THNSL1: variants seen among roughly 807,000 people sequenced by gnomAD.
THNSL1 encodes threonine synthase like 1.
A neutral mutation model predicts 50.4 loss-of-function variants in THNSL1; 48 were observed. The ratio of observed to expected loss-of-function variants is 0.95; its 90% CI spans 0.76 to 1.21. The LOEUF is 1.21. THNSL1 is among the 50% of genes most tolerant of loss of function. The pLI, the probability that THNSL1 is intolerant of heterozygous loss-of-function variation, is 0.00. For missense variants in THNSL1, 896 were observed against 871.7 expected (o/e 1.03, Z -0.35); for synonymous variants, 309 against 306.1 (o/e 1.01, Z -0.10).
the THNSL1 span, among the ~76,000 whole-genome samples, chr10:24,960,371 T>C: frequency 6.6e-6 from 1 of 152,140 alleles, no homozygotes; most frequent in African/African-American, 2.4e-5. Context: ...TCCTATGGGT[T>C]GCACTTGAAG....
the THNSL1 span, chr10:24,995,694 CT>C: frequency 6.2e-7 from 1 of 1,613,990 alleles, no homozygotes; most frequent in Non-Finnish European, 8.5e-7. Context: ...CAAGATCATG[CT>C]TGTCTCCAGT....
At chr10:24,991,444 C>T in the THNSL1 span, among the ~76,000 whole-genome samples, 13 of 151,358 alleles carry the variant, frequency 8.6e-5, no homozygotes, top group Admixed American at 3.9e-4. Context: ...AATGGCTGGA[C>T]GTCGAGAGGA....
chr10:24,984,669 T>A, the THNSL1 span: 2 of 1,444,058 alleles, frequency 1.4e-6, no homozygotes, highest in African/African-American at 1.4e-5. Context: ...AAACTTGGAG[T>A]TTTTTATATT....
the THNSL1 span, chr10:24,999,372 T>C: frequency 1.3e-6 from 2 of 1,571,140 alleles, no homozygotes; most frequent in Non-Finnish European, 8.6e-7. Flanking sequence ...ATGCTTTTAA[T>C]ATTAAAAATA....
chr10:24,959,525 G>A, the THNSL1 span, among the ~76,000 whole-genome samples: 4 of 152,176 alleles, frequency 2.6e-5, no homozygotes, highest in African/African-American at 7.2e-5. Context: ...AGAAAATGGC[G>A]TTTTGATTCA....
rs962716665 is a variant in THNSL1, at chr10:25,026,579, C to T, written c.*1124C>T. On this transcript the variant is annotated 3_prime_UTR_variant, in exon 3 of 3. Coordinates refer to ENST00000376356, the MANE Select transcript of THNSL1 (RefSeq NM_024838.5). ...CTGATACACATATTTAATTTGTATT[C>T]CTTTGTAGTAATACATTTTAACCAT... 1 of 165,874 alleles carries T rather than the reference C, an allele frequency of 6.0e-6. No individual in the cohort carries two copies. The highest frequency in any genetic ancestry group is 6.5e-5 in the Admixed American group (1 of 15,274). 10.3% of individuals were successfully genotyped at this position (165,874 alleles called of 1,614,324 possible).
At chr10:24,988,708 A>ATG in the THNSL1 span, among the ~76,000 whole-genome samples, 29 of 23,270 alleles carry the variant, frequency 1.2e-3, 3 homozygotes, top group African/African-American at 5.4e-3. Context: ...ATATATATAT[A>ATG]TATATATATA....
At chr10:24,985,770 A>G in the THNSL1 span, among the ~76,000 whole-genome samples, 14 of 152,374 alleles carry the variant, frequency 9.2e-5, 1 homozygote, top group Admixed American at 7.2e-4. Context: ...ATTATTCATT[A>G]TGGGCACATA....
chr10:24,980,578 C>T, the THNSL1 span, among the ~76,000 whole-genome samples: 1 of 152,158 alleles, frequency 6.6e-6, no homozygotes, highest in Non-Finnish European at 1.5e-5. Context: ...GCAACTAGAA[C>T]AGTTCTTGGC....
the THNSL1 span, among the ~76,000 whole-genome samples, chr10:24,967,988 GTGT>G: frequency 2.2e-5 from 3 of 137,876 alleles, no homozygotes; most frequent in African/African-American, 9.0e-5. Context: ...GTGTATATAT[GTGT>G]ATGATGTGTG....
At chr10:25,013,970 G>T (rs1432711610), upstream of THNSL1, among the ~76,000 whole-genome samples, 1 of 151,834 alleles carries the variant, frequency 6.6e-6, no homozygotes, top group Non-Finnish European at 1.5e-5. Context: ...AAAAAAAAGG[G>T]TGACAGATTT....
At chr10:24,952,942 G>C in the THNSL1 span, among the ~76,000 whole-genome samples, 1 of 151,940 alleles carries the variant, frequency 6.6e-6, no homozygotes, top group African/African-American at 2.4e-5. The surrounding 1 kb of genome is among the most constrained non-coding windows in gnomAD (Gnocchi z 5.1). Flanking sequence ...GGGGACTCTG[G>C]AGCAGGAAGC....
At chr10:24,961,236 T>G in the THNSL1 span, among the ~76,000 whole-genome samples, 1 of 152,204 alleles carries the variant, frequency 6.6e-6, no homozygotes, top group Non-Finnish European at 1.5e-5. Context: ...TGCTTCACAT[T>G]CTAAGTAAAA....
chr10:24,956,711 T>A, the THNSL1 span, among the ~76,000 whole-genome samples: 4 of 152,172 alleles, frequency 2.6e-5, no homozygotes, highest in East Asian at 7.7e-4. Flanking sequence ...CAACACATTA[T>A]TGTTAAATAT....
At chr10:24,995,914 T>A in the THNSL1 span, 5 of 1,412,650 alleles carry the variant, frequency 3.5e-6, no homozygotes, top group Non-Finnish European at 4.9e-6. Flanking sequence ...CTACAAACAC[T>A]GCTACTCAGT....
At chr10:25,019,908 A>G (rs917580234) in intron 1 of THNSL1, among the ~76,000 whole-genome samples, 2 of 152,116 alleles carry the variant, frequency 1.3e-5, no homozygotes, top group Admixed American at 1.3e-4. Context: ...TTTTAAATGA[A>G]CCATGTGTAA....
At chr10:24,961,912 G>A in the THNSL1 span, among the ~76,000 whole-genome samples, 29 of 152,020 alleles carry the variant, frequency 1.9e-4, no homozygotes, top group African/African-American at 4.6e-4. Context: ...TTTATTTTTC[G>A]TATCTGTTCA....
rs1850761291 is a variant in THNSL1 at position 25,023,289 on chromosome 10, T to C, written c.66T>C (p.His22=). The C allele has an allele frequency of 6.2e-7, 1 of 1,614,144 alleles. No individual in the cohort carries two copies. The highest frequency in any genetic ancestry group is 8.5e-7 in the Non-Finnish European group (1 of 1,179,980). Residue 22 remains histidine (H), a synonymous_variant, in exon 3 of 3, where the codon CAT becomes CAC. Transcript: ENST00000376356. ...CACAGAAATGTTTTTCTAGTATACA[T>C]GTTAAAACGGATAAACATGCACAGC... ...KITQKCFSSI[H]VKTDKHAQRF... is the part of the protein sequence containing the mutation.
chr10:24,984,738 A>T, the THNSL1 span: 2 of 1,606,174 alleles, frequency 1.2e-6, no homozygotes, highest in Admixed American at 3.4e-5. Context: ...ATTCTTACTT[A>T]TTGGCAATAT....
Sources: allele counts gnomAD v4.1 joint callset (sites outside exome capture counted in the v4.1 genomes callset), GRCh38; gene constraint gnomAD v4.1.1; non-coding constraint Gnocchi (gnomAD v3.1); transcripts MANE v1.5; gene names NCBI Gene and HGNC (gene_info 2026-07-23, HGNC 2026-07-21).